BRWD1: variants seen among roughly 807,000 people sequenced by gnomAD.
BRWD1 encodes the protein bromodomain and WD repeat domain containing 1, also known as bromodomain and WD repeat-containing protein 1.
In BRWD1, 82 loss-of-function variants were observed where a neutral mutation model predicts 251.2. The observed-to-expected ratio is 0.33, with a 90% CI of 0.27 to 0.39. BRWD1 has a LOEUF of 0.39. Ranked by LOEUF, BRWD1 falls within the 10% of genes least tolerant of loss-of-function variation. BRWD1 has a pLI of 1.00. For synonymous variants in BRWD1, 918 were observed against 902.8 expected (o/e 1.02, Z -0.30); for missense variants, 2,233 against 2,711.6 (o/e 0.82, Z 3.92).
At chr21:39,246,528 A>T (rs1037521564) in intron 21 of BRWD1, among the ~76,000 whole-genome samples, 3 of 152,220 alleles carry the variant, frequency 2.0e-5, no homozygotes, top group African/African-American at 7.2e-5. Context: ...AAAGAAATGA[A>T]AACATATGTC....
chr21:39,210,587 T>C (rs1237244528), intron 35 of BRWD1, among the ~76,000 whole-genome samples, 199 bp downstream of exon 35: 2 of 152,146 alleles, frequency 1.3e-5, no homozygotes, highest in Non-Finnish European at 2.9e-5. Context: ...AAGTCTAAAT[T>C]CTTAAATGAG....
chr21:39,262,817 C>T (rs370344125), intron 17 of BRWD1, among the ~76,000 whole-genome samples: 89 of 152,318 alleles, frequency 5.8e-4, no homozygotes, highest in African/African-American at 2.1e-3. Context: ...AGAGGACTGA[C>T]TCCAAACAGG....
chr21:39,188,100 G>A lies in BRWD1; in HGVS notation c.*8159C>T. 1 of 985,408 alleles carries A rather than the reference G, an allele frequency of 1.0e-6. No individual in the cohort carries two copies. The highest frequency in any genetic ancestry group is 5.2e-4 in the Middle Eastern group (1 of 1,912). 61.0% of individuals were successfully genotyped at this position (985,408 alleles called of 1,614,324 possible). A position where few individuals can be genotyped will look rare whatever the true frequency, so the allele number is the denominator to read the frequency against. ...TGCTGACCAAACTTAGGAGGGCTCA[G>A]ATATGTTTGTTACCAGTGTCTCAAA... is the stretch of plus-strand genomic sequence containing the variant. On this transcript the variant is annotated 3_prime_UTR_variant, in exon 41 of 41. Coordinates refer to ENST00000342449, the MANE Select transcript of BRWD1 (RefSeq NM_033656.4).
chr21:39,298,408 G>C, intron 5 of BRWD1, 24 bp downstream of exon 5: 15 of 1,560,072 alleles, frequency 9.6e-6, no homozygotes, highest in Middle Eastern at 2.2e-4. Context: ...ATACAAAGCA[G>C]AACACTTCTT....
At chr21:39,211,277 C>A (rs1303140622) in intron 34 of BRWD1, among the ~76,000 whole-genome samples, 2 of 152,082 alleles carry the variant, frequency 1.3e-5, no homozygotes, top group Non-Finnish European at 2.9e-5. Flanking sequence ...AGAATAATGG[C>A]CCCACCAAAG....
chr21:39,196,433 C>T lies in BRWD1; in HGVS notation c.6636G>A (p.Arg2212=), dbSNP rs2031817094. ...VRRQRQSKRP[R]LSVDDNDWED... is the part of the protein sequence containing the mutation. ...CCCAGTCATTATCATCCACACTTAA[C>T]CTAGGGCGTTTGCTTTGTCTTTGAC... The change falls in exon 41 of 41, where the codon AGG becomes AGA. Residue 2212 remains arginine (R), a synonymous_variant. Transcript: ENST00000342449. The T allele has an allele frequency of 6.2e-7, 1 of 1,613,704 alleles. No homozygotes were observed. Among genetic ancestry groups the T allele is most frequent in the South Asian group, 1.1e-5 (1 of 91,032 alleles).
At chr21:39,301,089 G>A (rs931387640) in intron 4 of BRWD1, among the ~76,000 whole-genome samples, 4 of 151,232 alleles carry the variant, frequency 2.6e-5, no homozygotes, top group Admixed American at 6.6e-5. Context: ...TGAGGCAGGA[G>A]AATGGCGTGA....
intron 20 of BRWD1, 131 bp downstream of exon 20, chr21:39,250,665 C>A: frequency 1.6e-6 from 1 of 613,716 alleles, no homozygotes; most frequent in Non-Finnish European, 2.7e-6. Flanking sequence ...TATTTTAAAT[C>A]TCAAACAGAA....
chr21:39,211,317 G>A (rs1029395738), intron 34 of BRWD1, among the ~76,000 whole-genome samples: 1 of 152,138 alleles, frequency 6.6e-6, no homozygotes, highest in Non-Finnish European at 1.5e-5. Flanking sequence ...CATAACCTAT[G>A]ACTATGTTGC....
At chr21:39,238,399 T>A in intron 22 of BRWD1, 80 bp downstream of exon 22, 2 of 1,187,680 alleles carry the variant, frequency 1.7e-6, no homozygotes, top group African/African-American at 3.1e-5. Flanking sequence ...AATTCTTGCC[T>A]CTTGAATAAA....
chr21:39,305,801 T>C (rs899824777), intron 4 of BRWD1, among the ~76,000 whole-genome samples: 2 of 150,458 alleles, frequency 1.3e-5, no homozygotes, highest in Admixed American at 6.6e-5. Context: ...GAGGCGGAGG[T>C]TGCAGTGAGC....
chr21:39,270,335 T>C lies in BRWD1; in HGVS notation c.1343A>G (p.His448Arg). Residue 448 changes from histidine to arginine, a missense_variant, in exon 14 of 41, where the codon CAT (histidine) becomes CGT (arginine). Physicochemically the swap from His to Arg is conservative, Grantham distance 29 (BLOSUM62 0). Transcript: ENST00000342449. ...GTAAGAATTCCACACTTTGAGGACA[T>C]GATCATTCACAGCTGTGACAACAAT... Reference protein sequence around the residue: ...DSIVVTAVNDHVLKVWNSYTG... With the variant: ...DSIVVTAVNDRVLKVWNSYTG... The C allele has an allele frequency of 6.2e-7, 1 of 1,612,302 alleles. No individual in the cohort carries two copies. The highest frequency in any genetic ancestry group is 8.5e-7 in the Non-Finnish European group (1 of 1,179,250).
intron 4 of BRWD1, among the ~76,000 whole-genome samples, chr21:39,301,206 G>C (rs112778322): frequency 6.6e-6 from 1 of 151,834 alleles, no homozygotes; most frequent in South Asian, 2.1e-4. Context: ...AACCACCTAG[G>C]TGCACATGTG....
At chr21:39,213,377 T>C (rs1014452454) in intron 33 of BRWD1, 104 bp downstream of exon 33, 57 of 930,306 alleles carry the variant, frequency 6.1e-5, no homozygotes, top group East Asian at 3.0e-4. Context: ...TATTTGTTCA[T>C]TGGACTACTA....
intron 11 of BRWD1, 88 bp downstream of exon 11, chr21:39,277,162 TA>T (rs139067275): frequency 0.12 from 95,437 of 799,788 alleles, 6,306 homozygotes; most frequent in Admixed American, 0.13. Flanking sequence ...AAATTAAAAA[TA>T]AAAGTAGAGC....
At chr21:39,253,722 G>C (rs971046967) in intron 19 of BRWD1, among the ~76,000 whole-genome samples, 16 of 151,984 alleles carry the variant, frequency 1.1e-4, no homozygotes, top group Non-Finnish European at 1.3e-4. Flanking sequence ...AACTCTTCTG[G>C]TTAAACATAT....
intron 40 of BRWD1, among the ~76,000 whole-genome samples, 182 bp downstream of exon 40, chr21:39,198,581 G>A (rs143852078): frequency 2.6e-5 from 4 of 152,152 alleles, no homozygotes; most frequent in East Asian, 3.9e-4. Context: ...AAAAAGTTAC[G>A]CATGCACATA....
chr21:39,243,670 C>A (rs1248223295), intron 21 of BRWD1, among the ~76,000 whole-genome samples: 1 of 151,860 alleles, frequency 6.6e-6, no homozygotes, highest in African/African-American at 2.4e-5. Context: ...AGGCTGGTCT[C>A]GAACTCCTGG....
chr21:39,308,914 A>C (rs1218980113), intron 4 of BRWD1, among the ~76,000 whole-genome samples: 1 of 152,148 alleles, frequency 6.6e-6, no homozygotes, highest in Non-Finnish European at 1.5e-5. Flanking sequence ...GGTGAGTCAC[A>C]CCTATAATCC....
Sources: gnomAD v4.1 joint callset for allele counts (sites outside exome capture counted in the v4.1 genomes callset) on GRCh38, gnomAD v4.1.1 for gene constraint, MANE v1.5 for transcripts, NCBI Gene and HGNC (gene_info 2026-07-23, HGNC 2026-07-21) for gene names.